Variants in NEGR1 observed in about 807,000 individuals in gnomAD.
NEGR1 encodes IgLON family member 4.
A neutral mutation model predicts 40.9 loss-of-function variants in NEGR1; 10 were observed. The observed-to-expected ratio is 0.24, with a 90% confidence interval of 0.15 to 0.42. NEGR1 has a LOEUF of 0.42. Among genes scored for constraint, NEGR1 ranks in the 10% least tolerant of loss-of-function variants. The pLI is 1.00. For missense variants in NEGR1, 352 were observed against 438.9 expected (o/e 0.80, Z 1.77); for synonymous variants, 185 against 166.8 (o/e 1.11, Z -0.84).
At chr1:71,416,590 C>A (rs1207795305) in intron 6 of NEGR1, among the ~76,000 whole-genome samples, 1 of 152,142 alleles carries the variant, frequency 6.6e-6, no homozygotes, top group East Asian at 1.9e-4. Flanking sequence ...GAGTTCTTCT[C>A]AATGATTCTC....
chr1:71,802,510 G>C (rs1657598278), intron 2 of NEGR1, among the ~76,000 whole-genome samples: 1 of 152,180 alleles, frequency 6.6e-6, no homozygotes, highest in African/African-American at 2.4e-5. Context: ...GCCCAGGAAG[G>C]CAGATTATTT....
intron 6 of NEGR1, among the ~76,000 whole-genome samples, chr1:71,512,307 A>G (rs1442554949): frequency 2.0e-5 from 3 of 152,194 alleles, no homozygotes; most frequent in African/African-American, 4.8e-5. Flanking sequence ...AAAAAATAAC[A>G]TAATGCTTTA....
At chr1:71,430,050 T>A (rs554648455) in intron 6 of NEGR1, among the ~76,000 whole-genome samples, 1 of 152,344 alleles carries the variant, frequency 6.6e-6, no homozygotes, top group South Asian at 2.1e-4. Context: ...AAATGTTATA[T>A]AATTGAAAAG....
At chr1:71,764,877 A>G (rs1290933309) in intron 3 of NEGR1, among the ~76,000 whole-genome samples, 1 of 152,180 alleles carries the variant, frequency 6.6e-6, no homozygotes, top group Admixed American at 6.5e-5. Flanking sequence ...TTGAAGTGTC[A>G]TCTTCTCTTT....
intron 1 of NEGR1, among the ~76,000 whole-genome samples, chr1:72,180,253 G>A (rs1473588851): frequency 4.0e-5 from 6 of 151,720 alleles, no homozygotes; most frequent in Admixed American, 3.9e-4. Context: ...TATTGAGAAA[G>A]GCACAAAAAG....
intron 6 of NEGR1, among the ~76,000 whole-genome samples, chr1:71,480,299 G>A (rs573856867): frequency 3.9e-5 from 6 of 151,970 alleles, no homozygotes; most frequent in South Asian, 2.1e-4. Context: ...GGCCATGGAC[G>A]TTAAGGAGCT....
At chr1:72,261,938 C>T (rs1376238506) in intron 1 of NEGR1, among the ~76,000 whole-genome samples, 1 of 152,000 alleles carries the variant, frequency 6.6e-6, no homozygotes, top group Non-Finnish European at 1.5e-5. Context: ...GTGATGTATA[C>T]ACTAAATGCC....
chr1:71,407,658 G>T, intron 6 of NEGR1, 88 bp from the exon 7 acceptor site: 1 of 1,277,552 alleles, frequency 7.8e-7, no homozygotes, highest in Non-Finnish European at 1.1e-6. Flanking sequence ...AGGTGCATCG[G>T]GGAAAGCACT....
chr1:71,552,463 G>A (rs1475707518), intron 6 of NEGR1, among the ~76,000 whole-genome samples: 1 of 148,720 alleles, frequency 6.7e-6, no homozygotes, highest in African/African-American at 2.5e-5. Context: ...ACTAGCTCCT[G>A]AGACCACAGC....
chr1:71,692,316 A>G (rs2101623305), intron 4 of NEGR1, among the ~76,000 whole-genome samples: 1 of 151,830 alleles, frequency 6.6e-6, no homozygotes, highest in Middle Eastern at 3.4e-3. Context: ...AATACAGAAG[A>G]GTATCCTAAA....
At chr1:72,030,155 A>G (rs1009246299) in intron 1 of NEGR1, among the ~76,000 whole-genome samples, 4 of 152,092 alleles carry the variant, frequency 2.6e-5, no homozygotes, top group Non-Finnish European at 5.9e-5. Context: ...ACAATGTAGA[A>G]TGTAAAATTA....
intron 2 of NEGR1, among the ~76,000 whole-genome samples, chr1:71,863,320 C>A (rs1312781584): frequency 1.3e-5 from 2 of 152,048 alleles, no homozygotes; most frequent in Non-Finnish European, 2.9e-5. Context: ...GAGCTGGAAG[C>A]CATTATTATC....
chr1:71,816,628 A>G (rs1420454212), intron 2 of NEGR1, among the ~76,000 whole-genome samples: 1 of 152,040 alleles, frequency 6.6e-6, no homozygotes, highest in Non-Finnish European at 1.5e-5. Flanking sequence ...CTCCCAGGAT[A>G]GGTGGGGATT....
chr1:71,805,213 T>C (rs1657715775), intron 2 of NEGR1, among the ~76,000 whole-genome samples: 1 of 152,190 alleles, frequency 6.6e-6, no homozygotes, highest in African/African-American at 2.4e-5. Flanking sequence ...TCATTAGCAA[T>C]TTTAATTTCG....
intron 4 of NEGR1, among the ~76,000 whole-genome samples, chr1:71,636,440 T>C (rs1264738151): frequency 6.6e-6 from 1 of 152,112 alleles, no homozygotes; most frequent in Non-Finnish European, 1.5e-5. Context: ...TAATTAAAGG[T>C]AAATTAAATT....
intron 6 of NEGR1, among the ~76,000 whole-genome samples, chr1:71,489,392 G>T (rs1646909920): frequency 6.6e-6 from 1 of 151,822 alleles, no homozygotes; most frequent in South Asian, 2.1e-4. Flanking sequence ...GCTTCACCAG[G>T]CTCTTATTGA....
At chr1:71,774,525 T>C (rs1272687308) in intron 3 of NEGR1, among the ~76,000 whole-genome samples, 1 of 152,142 alleles carries the variant, frequency 6.6e-6, no homozygotes, top group Non-Finnish European at 1.5e-5. Context: ...ACACACTGCA[T>C]AAATGAGTAA....
At chr1:72,226,710 G>A (rs564178330) in intron 1 of NEGR1, among the ~76,000 whole-genome samples, 1 of 151,966 alleles carries the variant, frequency 6.6e-6, no homozygotes, top group East Asian at 1.9e-4. Flanking sequence ...GATAAAAATG[G>A]TATTCCCATC....
At chr1:72,248,293 T>C (rs371684073) in intron 1 of NEGR1, among the ~76,000 whole-genome samples, 5 of 152,302 alleles carry the variant, frequency 3.3e-5, no homozygotes, top group African/African-American at 1.2e-4. Context: ...AGTCTCACTC[T>C]GTCCCCTAGG....
Sources: allele counts gnomAD v4.1 joint callset (sites outside exome capture counted in the v4.1 genomes callset), GRCh38; gene constraint gnomAD v4.1.1; transcripts MANE v1.5; gene names NCBI Gene and HGNC (gene_info 2026-07-23, HGNC 2026-07-21).